The following KSR2 variants were observed in gnomAD, a reference collection of about 807,000 sequenced individuals.
KSR2 encodes kinase suppressor of ras 2.
A neutral mutation model predicts 107.8 loss-of-function variants in KSR2; 25 were observed. The observed-to-expected ratio is 0.23, with a 90% CI of 0.17 to 0.32. The LOEUF is 0.32. KSR2 is among the 10% of genes least tolerant of loss of function. The pLI is 1.00. For synonymous variants in KSR2, 480 were observed against 507.0 expected, an observed-to-expected ratio of 0.95 and a Z score of 0.71; for missense variants, 887 against 1,268.9, an observed-to-expected ratio of 0.70 and a Z score of 4.57.
At chr12:117,485,174 G>C (rs1872394231) in intron 15 of KSR2, among the ~76,000 whole-genome samples, 2 of 152,140 alleles carry the variant, frequency 1.3e-5, no homozygotes, top group Admixed American at 1.3e-4. Flanking sequence ...AGAAAACACA[G>C]AATGTTCTTG....
Position 117,702,972 on chromosome 12 carries a change from A to G in KSR2, c.987-35314T>C, listed in dbSNP as rs558635420. 2.0e-4 allele frequency among the ~76,000 whole-genome samples: 31 copies of G among 152,336 alleles called. No homozygotes were observed. The South Asian group carries it at 3.9e-3, about 19-fold the overall frequency. ...GCTCCTCAGGGAGCCCAAGGGGGAA[A>G]ATAGTGAGGAAGGACAGTTTTCCAG... On this transcript the variant is annotated intron_variant, in intron 4 of 19. Coordinates refer to ENST00000339824, the MANE Select transcript of KSR2 (RefSeq NM_173598.6).
intron 5 of KSR2, among the ~76,000 whole-genome samples, chr12:117,653,795 T>C (rs1884002795): frequency 1.3e-5 from 2 of 152,230 alleles, no homozygotes. Context: ...TTGGGTGTGT[T>C]ACTCCAGTGC....
chr12:117,526,806 G>A (rs1875201514), intron 13 of KSR2, among the ~76,000 whole-genome samples: 1 of 152,202 alleles, frequency 6.6e-6, no homozygotes, highest in Non-Finnish European at 1.5e-5. Flanking sequence ...GCCCTGAGCT[G>A]ATCTTTCCAC....
At position 117,579,811 on chromosome 12, in the gene KSR2, G is replaced by A. The variant is rs115524759; in HGVS notation, c.1242-609C>T. 9.8e-3 allele frequency among the ~76,000 whole-genome samples: 1,486 copies of A among 152,244 alleles called. 31 individuals are homozygous for A. The highest frequency in any genetic ancestry group is 0.033 in the African/African-American group (1,357 of 41,552). ...GCCATTCAGACCATCAGCTCACCTCGCTCTCCAACCCCATCCACTTGCTGC... is the reference window on the plus strand; with the variant it reads ...GCCATTCAGACCATCAGCTCACCTCACTCTCCAACCCCATCCACTTGCTGC... On this transcript the variant is annotated intron_variant, in intron 6 of 19. Transcript: ENST00000339824.
At chr12:117,608,248 G>C (rs896656485) in intron 5 of KSR2, among the ~76,000 whole-genome samples, 3 of 152,190 alleles carry the variant, frequency 2.0e-5, no homozygotes, top group African/African-American at 4.8e-5. Flanking sequence ...TAGCCCACGG[G>C]TTCCTTGAAG....
At chr12:117,807,337 A>G (rs745509128) in intron 3 of KSR2, among the ~76,000 whole-genome samples, 8 of 152,228 alleles carry the variant, frequency 5.3e-5, no homozygotes, top group Non-Finnish European at 1.2e-4. Flanking sequence ...CAGCGTATAA[A>G]AAAGAGAGAG....
chr12:117,946,242 A>C (rs1039038443), intron 1 of KSR2, among the ~76,000 whole-genome samples: 5 of 152,156 alleles, frequency 3.3e-5, no homozygotes, highest in African/African-American at 1.2e-4. Context: ...GTAAGAATGA[A>C]AATCAATGAA....
chr12:117,831,093 C>T (rs1399635205), intron 3 of KSR2, among the ~76,000 whole-genome samples: 2 of 152,150 alleles, frequency 1.3e-5, no homozygotes, highest in Admixed American at 1.3e-4. Flanking sequence ...GAGCAAGAAA[C>T]GCTGATATTA....
chr12:117,820,166 G>C (rs1025072750), intron 3 of KSR2, among the ~76,000 whole-genome samples: 2 of 152,084 alleles, frequency 1.3e-5, no homozygotes, highest in African/African-American at 4.8e-5. Context: ...GACAGCTAAG[G>C]GTTCCCCCCT....
intron 4 of KSR2, among the ~76,000 whole-genome samples, chr12:117,684,211 C>T (rs931427279): frequency 3.9e-5 from 6 of 152,160 alleles, no homozygotes; most frequent in African/African-American, 1.4e-4. Flanking sequence ...GTTAGGTCTT[C>T]TCCACCGCTC....
At chr12:117,615,214 TACACACACACACACACACACACACACAC>T (rs57116320) in intron 5 of KSR2, among the ~76,000 whole-genome samples, 7 of 147,810 alleles carry the variant, frequency 4.7e-5, no homozygotes, top group South Asian at 2.2e-4. Context: ...TCTCTTCAGT[TACACACACACACACACACACACACACAC>T]ACACACACAC....
intron 3 of KSR2, among the ~76,000 whole-genome samples, chr12:117,764,832 A>C (rs1228114033): frequency 6.6e-6 from 1 of 152,188 alleles, no homozygotes; most frequent in Non-Finnish European, 1.5e-5. Flanking sequence ...GACAATAAGA[A>C]AACCTAATAA....
chr12:117,600,153 C>G (rs1000135450), intron 5 of KSR2, among the ~76,000 whole-genome samples: 8 of 152,122 alleles, frequency 5.3e-5, no homozygotes, highest in Non-Finnish European at 1.0e-4. Flanking sequence ...TGGGTCTGAG[C>G]CCAAAAAGGA....
intron 3 of KSR2, among the ~76,000 whole-genome samples, chr12:117,808,309 T>TG (rs1331852511): frequency 6.6e-6 from 1 of 152,198 alleles, no homozygotes; most frequent in African/African-American, 2.4e-5. Flanking sequence ...GTGACTCTGA[T>TG]GCACAGCCAA....
chr12:117,650,445 T>C (rs185169117), intron 5 of KSR2, among the ~76,000 whole-genome samples: 13 of 152,274 alleles, frequency 8.5e-5, no homozygotes, highest in African/African-American at 2.6e-4. Context: ...CTGACTAATA[T>C]AGATTTTGGT....
intron 5 of KSR2, among the ~76,000 whole-genome samples, chr12:117,657,003 T>C (rs1413173917): frequency 8.3e-6 from 1 of 120,806 alleles, no homozygotes; most frequent in Non-Finnish European, 1.7e-5. Flanking sequence ...TATATATATA[T>C]ATATATATAT....
At chr12:117,930,339 A>T in intron 1 of KSR2, among the ~76,000 whole-genome samples, 1 of 152,076 alleles carries the variant, frequency 6.6e-6, no homozygotes, top group East Asian at 1.9e-4. Flanking sequence ...CAGCCAAAAA[A>T]ATTATTCTTA....
chr12:117,724,895 A>G (rs1335498500), intron 4 of KSR2, among the ~76,000 whole-genome samples: 1 of 152,116 alleles, frequency 6.6e-6, no homozygotes, highest in Non-Finnish European at 1.5e-5. Flanking sequence ...CAAGAGAGTC[A>G]AAGACAAGAG....
intron 16 of KSR2, among the ~76,000 whole-genome samples, chr12:117,480,544 A>T (rs1872116577): frequency 6.6e-6 from 1 of 152,084 alleles, no homozygotes; most frequent in East Asian, 1.9e-4. Context: ...GTCTGTCTGG[A>T]TGTGCAGAAC....
Sources: allele counts gnomAD v4.1 joint callset (sites outside exome capture counted in the v4.1 genomes callset), GRCh38; gene constraint gnomAD v4.1.1; transcripts MANE v1.5; gene names NCBI Gene and HGNC (gene_info 2026-07-23, HGNC 2026-07-21).